EPB41L4A: variants seen among roughly 807,000 people sequenced by gnomAD.
EPB41L4A encodes erythrocyte membrane protein band 4.1 like 4A, also known as band 4.1-like protein 4A.
EPB41L4A carries 100 observed loss-of-function variants against 108.6 expected under a neutral mutation model. That is an observed-to-expected ratio of 0.92 (90% CI 0.78 to 1.09). The LOEUF (loss-of-function observed/expected upper bound fraction) is 1.09, where lower values mean the gene tolerates loss of function less well. EPB41L4A is among the 50% of genes least tolerant of loss of function. EPB41L4A has a pLI of 0.00. For synonymous variants in EPB41L4A, 319 were observed against 289.0 expected (o/e 1.10, Z -1.05); for missense variants, 1,030 against 842.7 (o/e 1.22, Z -2.75).
chr5:112,320,271 G>C (rs1022494455), intron 1 of EPB41L4A, among the ~76,000 whole-genome samples: 11 of 152,124 alleles, frequency 7.2e-5, no homozygotes, highest in African/African-American at 2.4e-4. Context: ...TGAGAAAAGA[G>C]GAAGGAGAAG....
At chr5:112,306,109 CAA>C in intron 2 of EPB41L4A, among the ~76,000 whole-genome samples, 1 of 152,200 alleles carries the variant, frequency 6.6e-6, no homozygotes, top group African/African-American at 2.4e-5. Flanking sequence ...TCTTTCCAGG[CAA>C]AGTCTGACAT....
At chr5:112,302,679 C>G (rs995536746) in intron 2 of EPB41L4A, among the ~76,000 whole-genome samples, 2 of 152,184 alleles carry the variant, frequency 1.3e-5, no homozygotes, top group Non-Finnish European at 2.9e-5. Flanking sequence ...TGAACCCATA[C>G]AGTCTGAATC....
intron 12 of EPB41L4A, among the ~76,000 whole-genome samples, chr5:112,157,140 T>C (rs1759677973): frequency 6.8e-6 from 1 of 147,034 alleles, no homozygotes; most frequent in Admixed American, 6.7e-5. Flanking sequence ...GGTACATCCA[T>C]GCAAAAAGAA....
chr5:112,148,771 T>C (rs907490469), intron 12 of EPB41L4A, among the ~76,000 whole-genome samples: 2 of 152,218 alleles, frequency 1.3e-5, no homozygotes, highest in Non-Finnish European at 2.9e-5. Flanking sequence ...TGCTTTTTAA[T>C]ATCAAGTAAA....
intron 12 of EPB41L4A, among the ~76,000 whole-genome samples, chr5:112,211,728 G>A (rs1300440637): frequency 6.6e-6 from 1 of 152,212 alleles, no homozygotes; most frequent in African/African-American, 2.4e-5. Flanking sequence ...CAGTTGGGAA[G>A]TATGTCTGGC....
At chr5:112,267,416 A>T (rs1397819376) in intron 4 of EPB41L4A, among the ~76,000 whole-genome samples, 2 of 152,244 alleles carry the variant, frequency 1.3e-5, no homozygotes, top group African/African-American at 2.4e-5. Context: ...CAGACACCAC[A>T]TTGATTATTT....
intron 11 of EPB41L4A, 25 bp from the exon 12 acceptor site, chr5:112,234,780 G>C: frequency 6.2e-7 from 1 of 1,601,734 alleles, no homozygotes; most frequent in Non-Finnish European, 8.5e-7. Context: ...ATTTTGATTA[G>C]CAAAGGTAAA....
intron 12 of EPB41L4A, among the ~76,000 whole-genome samples, chr5:112,213,583 A>T (rs972233746): frequency 6.6e-6 from 1 of 152,164 alleles, no homozygotes; most frequent in Non-Finnish European, 1.5e-5. Flanking sequence ...TCCTGGCCTC[A>T]GGTTATCTGC....
intron 12 of EPB41L4A, among the ~76,000 whole-genome samples, chr5:112,157,148 GAAA>G (rs201797065): frequency 7.3e-6 from 1 of 137,264 alleles, no homozygotes; most frequent in Non-Finnish European, 1.6e-5. Context: ...CATGCAAAAA[GAAA>G]AAAAAAAAAC....
chr5:112,173,531 C>CG (rs1436035539), intron 18 of EPB41L4A: 20 of 138,214 alleles, frequency 1.4e-4, no homozygotes, highest in South Asian at 2.6e-4. Context: ...CCTTAGTTAT[C>CG]AGGAAAAAAA....
intron 1 of EPB41L4A, among the ~76,000 whole-genome samples, chr5:112,362,757 C>T (rs1361655840): frequency 1.3e-5 from 2 of 152,150 alleles, no homozygotes; most frequent in African/African-American, 4.8e-5. Flanking sequence ...CTTTACTGTT[C>T]TCTTAAATAC....
chr5:112,338,967 T>C (rs944804689), intron 1 of EPB41L4A, among the ~76,000 whole-genome samples: 3 of 152,184 alleles, frequency 2.0e-5, no homozygotes, highest in Non-Finnish European at 4.4e-5. Context: ...CCAGACCATT[T>C]TGGCGCCTTA....
rs368584936 is a variant in EPB41L4A at position 112,218,666 on chromosome 5, A to T, written c.1088-8684T>A. ...TGCAATTTTAATAGTAAATAAAGTA[A>T]ATGCAAATATAAACTAAGCATACCT... On this transcript the variant is annotated intron_variant, in intron 12 of 22. Transcript: ENST00000261486. 3.3e-5 allele frequency among the ~76,000 whole-genome samples: 5 copies of T among 152,362 alleles called. No homozygotes were observed. The East Asian group carries it at 9.6e-4, about 29-fold the overall frequency.
intron 1 of EPB41L4A, among the ~76,000 whole-genome samples, chr5:112,368,890 C>T (rs773371104): frequency 1.3e-5 from 2 of 152,050 alleles, no homozygotes; most frequent in East Asian, 3.9e-4. Flanking sequence ...TTCACTCTGC[C>T]TTCTCACTCC....
At chr5:112,233,696 C>T (rs973437833) in intron 12 of EPB41L4A, among the ~76,000 whole-genome samples, 1 of 152,084 alleles carries the variant, frequency 6.6e-6, no homozygotes, top group Non-Finnish European at 1.5e-5. Context: ...GACAGCCTTA[C>T]CATCATGCCC....
At chr5:112,402,232 T>C (rs949752534) in intron 1 of EPB41L4A, among the ~76,000 whole-genome samples, 2 of 152,176 alleles carry the variant, frequency 1.3e-5, no homozygotes, top group Non-Finnish European at 2.9e-5. Context: ...TCTAGCCATG[T>C]AGAATGTGTC....
chr5:112,325,930 T>C (rs928070424), intron 1 of EPB41L4A, among the ~76,000 whole-genome samples: 9 of 152,252 alleles, frequency 5.9e-5, no homozygotes, highest in East Asian at 3.9e-4. Flanking sequence ...GGTGAGAGGA[T>C]TGCTTGAGGC....
chr5:112,338,807 T>A (rs540456507), intron 1 of EPB41L4A, among the ~76,000 whole-genome samples: 1 of 152,300 alleles, frequency 6.6e-6, no homozygotes, highest in East Asian at 1.9e-4. Context: ...TTACACATTG[T>A]CTGTGGCAGA....
intron 4 of EPB41L4A, among the ~76,000 whole-genome samples, chr5:112,274,226 G>C (rs10478076): frequency 0.15 from 23,142 of 152,134 alleles, 1,886 homozygotes; most frequent in East Asian, 0.26. Flanking sequence ...GTCACAGTGA[G>C]CTATGATTAC....
Sources: gnomAD v4.1 joint callset for allele counts (sites outside exome capture counted in the v4.1 genomes callset) on GRCh38, gnomAD v4.1.1 for gene constraint, MANE v1.5 for transcripts, NCBI Gene and HGNC (gene_info 2026-07-23, HGNC 2026-07-21) for gene names.